Variants in CLNK observed in about 807,000 individuals in gnomAD.
CLNK encodes cytokine-dependent hematopoietic cell linker.
CLNK carries 74 observed loss-of-function variants against 68.6 expected under a neutral mutation model. That is an observed-to-expected ratio of 1.08 (90% confidence interval 0.89 to 1.31). CLNK has a LOEUF of 1.31. Among genes scored for constraint, CLNK ranks in the 50% most tolerant of loss-of-function variants. The pLI is 0.00. For missense variants in CLNK, 553 were observed against 515.3 expected, an observed-to-expected ratio of 1.07 and a Z score of -0.71; for synonymous variants, 198 against 172.2, an observed-to-expected ratio of 1.15 and a Z score of -1.17.
At chr4:10,554,622 T>G (rs987858012) in intron 8 of CLNK, among the ~76,000 whole-genome samples, 1 of 152,236 alleles carries the variant, frequency 6.6e-6, no homozygotes, top group Non-Finnish European at 1.5e-5. Context: ...GAATGAGCAT[T>G]ATATCAATGT....
chr4:10,582,944 C>T (rs533915068), intron 4 of CLNK, among the ~76,000 whole-genome samples: 3 of 152,252 alleles, frequency 2.0e-5, no homozygotes, highest in African/African-American at 7.2e-5. Context: ...CTATTTTTTA[C>T]CTGCTTTTTC....
the CLNK span, among the ~76,000 whole-genome samples, chr4:10,693,369 AC>A: frequency 6.6e-6 from 1 of 152,180 alleles, no homozygotes; most frequent in Admixed American, 6.5e-5. Context: ...GATAACTCGC[AC>A]CCTTAAAAAA....
chr4:10,598,057 G>A lies in CLNK; in HGVS notation c.12-8C>T, dbSNP rs779535373. ...GTTGTCTTTCTATTGCCCCTGGGAT[G>A]AAAGAAAATAAATTATAGCTGGGAA... On this transcript the variant is annotated splice_polypyrimidine_tract_variant and splice_region_variant and intron_variant, in intron 2 of 18. Coordinates refer to ENST00000226951, the MANE Select transcript of CLNK (RefSeq NM_052964.4). 1.6e-5 allele frequency: 25 copies of A among 1,556,504 alleles called. No homozygotes were observed. In the South Asian group the frequency reaches 2.6e-4, roughly 16 times the overall value.
At chr4:10,682,555 G>A (rs996663058) in intron 1 of CLNK, among the ~76,000 whole-genome samples, 1 of 152,158 alleles carries the variant, frequency 6.6e-6, no homozygotes, top group Admixed American at 6.5e-5. Flanking sequence ...CACACAAAAT[G>A]TATTCTTCCT....
chr4:10,686,633 A>G (rs888579534), upstream of CLNK, among the ~76,000 whole-genome samples: 1 of 150,144 alleles, frequency 6.7e-6, no homozygotes, highest in African/African-American at 2.5e-5. Flanking sequence ...TGCATCCTAG[A>G]TGCCATGGTC....
In CLNK at chr4:10,627,562, T is replaced by C. The variant is rs1255187229; in HGVS notation, c.12-29513A>G. Among the ~76,000 whole-genome samples, 5 of 152,162 alleles carry C rather than the reference T, an allele frequency of 3.3e-5. No individual in the cohort carries two copies. In the East Asian group the frequency reaches 9.7e-4, roughly 29 times the overall value. ...GGAACCATGACTGGAGCGTAGTGGA[T>C]ACTGTCAAGGCCAGGGAGAGAGAGA... is the stretch of plus-strand genomic sequence containing the variant. On this transcript the variant is annotated intron_variant, in intron 2 of 18. Coordinates refer to ENST00000226951, the MANE Select transcript of CLNK (RefSeq NM_052964.4).
chr4:10,636,909 C>G (rs1455410826), intron 2 of CLNK, among the ~76,000 whole-genome samples: 3 of 152,164 alleles, frequency 2.0e-5, no homozygotes, highest in Non-Finnish European at 4.4e-5. Context: ...ATATATCCCT[C>G]TACTGTAAAT....
chr4:10,522,153 G>C (rs1718098652), intron 14 of CLNK, among the ~76,000 whole-genome samples: 1 of 151,732 alleles, frequency 6.6e-6, no homozygotes. Flanking sequence ...AGCCACTAGG[G>C]AGGCTGAGGC....
intron 8 of CLNK, among the ~76,000 whole-genome samples, chr4:10,551,966 T>A (rs767307254): frequency 6.6e-6 from 1 of 151,478 alleles, no homozygotes; most frequent in Non-Finnish European, 1.5e-5. Context: ...TCTTGCCTCA[T>A]CCTCCCAAGT....
At chr4:10,594,019 C>T (rs1253344027) in intron 3 of CLNK, among the ~76,000 whole-genome samples, 2 of 152,194 alleles carry the variant, frequency 1.3e-5, no homozygotes, top group East Asian at 3.9e-4. Flanking sequence ...CTGTGTCCCT[C>T]CTGTTCCCTA....
chr4:10,581,068 A>T (rs993887216), intron 4 of CLNK, among the ~76,000 whole-genome samples: 1 of 152,118 alleles, frequency 6.6e-6, no homozygotes, highest in Non-Finnish European at 1.5e-5. Context: ...CTATGTTTAG[A>T]TACACAAATT....
chr4:10,570,696 A>G (rs1274136446), intron 5 of CLNK, among the ~76,000 whole-genome samples: 3 of 152,222 alleles, frequency 2.0e-5, no homozygotes, highest in East Asian at 1.9e-4. Flanking sequence ...CAATCAATCA[A>G]TCATACATCT....
chr4:10,565,093 C>T (rs951395845), intron 6 of CLNK, among the ~76,000 whole-genome samples: 2 of 152,142 alleles, frequency 1.3e-5, no homozygotes, highest in African/African-American at 2.4e-5. Flanking sequence ...CACCCAGTCA[C>T]ACCCCATGCC....
chr4:10,542,330 C>G (rs201165115), intron 8 of CLNK, 50 bp from the exon 9 acceptor site: 18 of 1,278,768 alleles, frequency 1.4e-5, no homozygotes, highest in Middle Eastern at 3.7e-4. Context: ...TGTCATCAAG[C>G]ATTGATTTTA....
intron 5 of CLNK, among the ~76,000 whole-genome samples, chr4:10,569,701 C>T (rs185879066): frequency 9.2e-5 from 14 of 152,122 alleles, no homozygotes; most frequent in African/African-American, 2.9e-4. Context: ...TGTGCTCCTC[C>T]GCATTAAAAT....
the CLNK span, among the ~76,000 whole-genome samples, chr4:10,716,297 G>A: frequency 6.6e-6 from 1 of 152,250 alleles, no homozygotes; most frequent in South Asian, 2.1e-4. Context: ...ATAAATAAAT[G>A]TCTCAGTTAA....
chr4:10,545,156 C>T (rs1037012812), intron 8 of CLNK, among the ~76,000 whole-genome samples: 1 of 152,144 alleles, frequency 6.6e-6, no homozygotes, highest in African/African-American at 2.4e-5. Context: ...ATTCATTCCT[C>T]CTTGTAGCCC....
the CLNK span, among the ~76,000 whole-genome samples, chr4:10,713,067 C>G: frequency 3.3e-5 from 5 of 152,212 alleles, no homozygotes; most frequent in African/African-American, 1.2e-4. Context: ...CTTCCAACCT[C>G]TTTGCTTGTC....
intron 8 of CLNK, among the ~76,000 whole-genome samples, chr4:10,558,097 A>G (rs1451962966): frequency 1.3e-5 from 2 of 152,322 alleles, no homozygotes; most frequent in Admixed American, 6.5e-5. Flanking sequence ...TTCTGGGGGT[A>G]TGCTTGGAGA....
Sources: gnomAD v4.1 joint callset for allele counts (sites outside exome capture counted in the v4.1 genomes callset) on GRCh38, gnomAD v4.1.1 for gene constraint, MANE v1.5 for transcripts, NCBI Gene and HGNC (gene_info 2026-07-23, HGNC 2026-07-21) for gene names.